The following RIMS1 variants were observed in gnomAD, a reference collection of about 807,000 sequenced individuals.
The protein encoded by RIMS1 is regulating synaptic membrane exocytosis protein 1.
A neutral mutation model predicts 214.1 loss-of-function variants in RIMS1; 83 were observed. The observed-to-expected ratio is 0.39, with a 90% CI of 0.32 to 0.47. RIMS1 has a LOEUF of 0.47. Ranked by LOEUF, RIMS1 falls within the 20% of genes least tolerant of loss-of-function variation. RIMS1 has a pLI of 0.99. For synonymous variants in RIMS1, 793 were observed against 786.8 expected, an observed-to-expected ratio of 1.01 and a Z score of -0.13; for missense variants, 2,050 against 2,161.8, an observed-to-expected ratio of 0.95 and a Z score of 1.03.
intron 29 of RIMS1, among the ~76,000 whole-genome samples, chr6:72,370,065 T>G (rs1007719257): frequency 2.0e-5 from 3 of 152,310 alleles, no homozygotes; most frequent in African/African-American, 7.2e-5. Flanking sequence ...AGAAAAGAAC[T>G]AAAATAGCAC....
intron 2 of RIMS1, among the ~76,000 whole-genome samples, chr6:72,033,311 C>T (rs1008704328): frequency 2.0e-5 from 3 of 152,222 alleles, no homozygotes; most frequent in Admixed American, 1.3e-4. Flanking sequence ...TATGCGTGGG[C>T]ATCTTGCCCT....
At chr6:72,373,483 C>A (rs187101399) in intron 29 of RIMS1, among the ~76,000 whole-genome samples, 2 of 152,198 alleles carry the variant, frequency 1.3e-5, no homozygotes, top group Admixed American at 1.3e-4. Context: ...ACACCTCCTA[C>A]TCCTCAAATT....
chr6:72,140,600 T>C (rs2153881141), intron 4 of RIMS1, among the ~76,000 whole-genome samples: 1 of 152,156 alleles, frequency 6.6e-6, no homozygotes, highest in East Asian at 1.9e-4. Flanking sequence ...GTATTTTGTC[T>C]GAGTGTGTGA....
intron 2 of RIMS1, among the ~76,000 whole-genome samples, chr6:72,022,556 T>C (rs1353231093): frequency 6.6e-6 from 1 of 152,214 alleles, no homozygotes; most frequent in Non-Finnish European, 1.5e-5. Flanking sequence ...ACAAAATATG[T>C]AACCTCATTA....
Position 72,034,264 on chromosome 6 carries a change from T to C in RIMS1, c.246-62685T>C, listed in dbSNP as rs193176172. ...CTTATCCCTTATATAGGGATGTCCC[T>C]CAGTAGGACATACTAAAAAGTTATT... On this transcript the variant is annotated intron_variant, in intron 2 of 33. Transcript: ENST00000521978. Among the ~76,000 whole-genome samples the C allele has an allele frequency of 1.5e-3, 221 of 152,294 alleles. 1 individual carries two copies. The highest frequency in any genetic ancestry group is 5.0e-3 in the African/African-American group (209 of 41,582).
At chr6:72,072,915 T>C (rs1830904963) in intron 2 of RIMS1, among the ~76,000 whole-genome samples, 1 of 152,184 alleles carries the variant, frequency 6.6e-6, no homozygotes, top group Non-Finnish European at 1.5e-5. Flanking sequence ...GTGAGCAAAA[T>C]AGACAGAGCC....
intron 28 of RIMS1, chr6:72,317,207 G>A (rs1196860469): frequency 2.9e-5 from 9 of 315,642 alleles, no homozygotes; most frequent in African/African-American, 8.5e-5. Context: ...AAGCCCTCAC[G>A]GGGTGGCAGC....
intron 6 of RIMS1, among the ~76,000 whole-genome samples, chr6:72,226,649 TAAGGTATAATAC>T (rs2060274120): frequency 6.6e-6 from 1 of 152,088 alleles, no homozygotes; most frequent in Admixed American, 6.6e-5. Context: ...AAATAATTTT[TAAGGTATAATAC>T]AAGCTGTCTT....
At chr6:72,298,004 A>G (rs1312632267) in intron 26 of RIMS1, among the ~76,000 whole-genome samples, 1 of 151,950 alleles carries the variant, frequency 6.6e-6, no homozygotes, top group East Asian at 1.9e-4. Flanking sequence ...CAAGGGGTTC[A>G]TTAGGGTTTA....
intron 4 of RIMS1, among the ~76,000 whole-genome samples, chr6:72,158,098 T>C (rs1459062055): frequency 7.1e-6 from 1 of 140,992 alleles, no homozygotes; most frequent in Non-Finnish European, 1.6e-5. Flanking sequence ...ATTTACCAAC[T>C]GTTGCTGTTT....
intron 4 of RIMS1, among the ~76,000 whole-genome samples, chr6:72,112,762 T>C (rs922559554): frequency 6.6e-6 from 1 of 152,170 alleles, no homozygotes; most frequent in African/African-American, 2.4e-5. Context: ...CTTTTTACCA[T>C]GTTTGATTTT....
intron 29 of RIMS1, among the ~76,000 whole-genome samples, chr6:72,389,976 A>G (rs1304267587): frequency 6.6e-6 from 1 of 152,240 alleles, no homozygotes; most frequent in Non-Finnish European, 1.5e-5. Context: ...GCCATGAGGT[A>G]GCTGTGTAGT....
chr6:71,912,202 C>T (rs1276124495), intron 1 of RIMS1, among the ~76,000 whole-genome samples: 1 of 152,134 alleles, frequency 6.6e-6, no homozygotes, highest in Non-Finnish European at 1.5e-5. Context: ...TATAAACCTA[C>T]ATCAGAAGGA....
Position 72,246,721 on chromosome 6 carries a change from C to G in RIMS1, c.2128+860C>G, listed in dbSNP as rs116639354. Among the ~76,000 whole-genome samples, 340 of 152,176 alleles carry G rather than the reference C, an allele frequency of 2.2e-3. 1 individual carries two copies. Among genetic ancestry groups the G allele is most frequent in the African/African-American group, 7.8e-3 (325 of 41,516 alleles). ...AGGTGGACCCAGTTTTGGCTTTGAGCTTTCTGGTGACCAATACAAAGAGGG... is the reference window on the plus strand; with the variant it reads ...AGGTGGACCCAGTTTTGGCTTTGAGGTTTCTGGTGACCAATACAAAGAGGG... On this transcript the variant is annotated intron_variant, in intron 11 of 33. Transcript: ENST00000521978.
chr6:72,273,308 A>T (rs2084383936), intron 22 of RIMS1, among the ~76,000 whole-genome samples: 1 of 152,160 alleles, frequency 6.6e-6, no homozygotes, highest in Non-Finnish European at 1.5e-5. Flanking sequence ...ACTCCTTTGG[A>T]TAATTATAAA....
rs73750480 is a variant in RIMS1 at position 72,402,208 on chromosome 6, T to C, written c.*1494T>C. 0.11 allele frequency: 17,311 copies of C among 152,682 alleles called. 1,175 individuals carry two copies. Among genetic ancestry groups the C allele is most frequent in the Non-Finnish European group, 0.16 (10,567 of 68,010 alleles). The allele number at this position is 152,682 out of a possible 1,614,324, so 9.5% of individuals were successfully genotyped here. A position where few individuals can be genotyped will look rare whatever the true frequency, so the allele number is the denominator to read the frequency against. Reference sequence around the variant, plus strand: ...AAACAAAAGGTTATTTAATAATGTATGTTAGTTCCACATAGGCCAGCTTGT... The same window carrying C: ...AAACAAAAGGTTATTTAATAATGTACGTTAGTTCCACATAGGCCAGCTTGT... On this transcript the variant is annotated 3_prime_UTR_variant, in exon 34 of 34. Coordinates refer to ENST00000521978, the MANE Select transcript of RIMS1 (RefSeq NM_014989.7).
chr6:71,964,405 C>T lies in RIMS1; in HGVS notation c.165-4578C>T, dbSNP rs114125823. ...TGGCTGTTGTGTTGAGAATAGACTC[C>T]AGGAGGAGAACAATAGTAAATGCTG... On this transcript the variant is annotated intron_variant, in intron 1 of 33. Coordinates refer to ENST00000521978, the MANE Select transcript of RIMS1 (RefSeq NM_014989.7). Among the ~76,000 whole-genome samples, 1,320 of 152,186 alleles carry T rather than the reference C, an allele frequency of 8.7e-3. 19 individuals are homozygous for T. The highest frequency in any genetic ancestry group is 0.03 in the African/African-American group (1,231 of 41,518).
chr6:72,161,327 CA>C (rs1479469362), intron 4 of RIMS1, among the ~76,000 whole-genome samples: 3 of 139,392 alleles, frequency 2.2e-5, no homozygotes, highest in African/African-American at 7.4e-5. Context: ...TTGATCTTTT[CA>C]AAAAACGAGC....
Position 72,182,792 on chromosome 6 carries a change from G to C in RIMS1, c.1321G>C (p.Ala441Pro). 1 of 1,546,704 alleles carries C rather than the reference G, an allele frequency of 6.5e-7. No homozygotes were observed. Among genetic ancestry groups the C allele is most frequent in the East Asian group, 2.4e-5 (1 of 41,086 alleles). ...AACTGCGGAGACCAGGGCGCCGGGC[G>C]CCAAGCAGCTAACGAACCACAGCCC... Reference protein sequence around the residue: ...ERTAETRAPGAKQLTNHSPPA... With the variant: ...ERTAETRAPGPKQLTNHSPPA... Residue 441 changes from alanine (A) to proline (P), a missense_variant, in exon 6 of 34, where the codon GCC (alanine) becomes CCC (proline). Ala to Pro is a conservative substitution (Grantham distance 27). Coordinates refer to ENST00000521978, the MANE Select transcript of RIMS1 (RefSeq NM_014989.7).
Sources: allele counts gnomAD v4.1 joint callset (sites outside exome capture counted in the v4.1 genomes callset), GRCh38; gene constraint gnomAD v4.1.1; transcripts MANE v1.5; gene names NCBI Gene and HGNC (gene_info 2026-07-23, HGNC 2026-07-21).